Variants in MCF2L2 observed in about 807,000 individuals in gnomAD.
MCF2L2 encodes the protein MCF.2 cell line derived transforming sequence-like 2, also known as probable guanine nucleotide exchange factor MCF2L2.
In MCF2L2, 102 loss-of-function variants were observed where a neutral mutation model predicts 150.2. That is an observed-to-expected ratio of 0.68 (90% CI 0.58 to 0.80). The LOEUF is 0.80. Ranked by LOEUF, MCF2L2 falls within the 30% of genes least tolerant of loss-of-function variation. The probability of loss-of-function intolerance (pLI) is 0.00; values close to 1 mark genes in which losing one functional copy is unlikely to be tolerated. For missense variants in MCF2L2, 1,256 were observed against 1,372.8 expected (o/e 0.91, Z 1.34); for synonymous variants, 465 against 491.3 (o/e 0.95, Z 0.71).
intron 15 of MCF2L2, among the ~76,000 whole-genome samples, chr3:183,255,486 G>A (rs1374872963): frequency 2.0e-5 from 3 of 152,166 alleles, no homozygotes; most frequent in Admixed American, 6.5e-5. Flanking sequence ...CACACGCTCT[G>A]AGCATTGACT....
At chr3:183,221,985 G>A (rs1723166377) in intron 20 of MCF2L2, among the ~76,000 whole-genome samples, 1 of 152,222 alleles carries the variant, frequency 6.6e-6, no homozygotes, top group African/African-American at 2.4e-5. Flanking sequence ...CACCGAGGCT[G>A]AAACTGCTAA....
At chr3:183,392,942 T>C (rs1298513820) in intron 1 of MCF2L2, among the ~76,000 whole-genome samples, 1 of 152,188 alleles carries the variant, frequency 6.6e-6, no homozygotes. Context: ...CTGCTTCAGA[T>C]TCAGACAGGC....
At chr3:183,244,998 T>C (rs1424195128) in intron 15 of MCF2L2, among the ~76,000 whole-genome samples, 1 of 152,144 alleles carries the variant, frequency 6.6e-6, no homozygotes, top group Non-Finnish European at 1.5e-5. Context: ...ACCTCTAGGA[T>C]ACAGGGTAAG....
chr3:183,270,112 C>A lies in MCF2L2; in HGVS notation c.1862+6760G>T, dbSNP rs761216902. On this transcript the variant is annotated intron_variant, in intron 15 of 29. Transcript: ENST00000328913. This position sits in a 1 kb window ranked among gnomAD's most constrained non-coding sequence, Gnocchi z 4.5. Reference sequence around the variant, plus strand: ...GCTCCTGAAAACTATGATCGACGTTCCGGAATTAGAAGGACGTGGGGCAAT... The same window carrying A: ...GCTCCTGAAAACTATGATCGACGTTACGGAATTAGAAGGACGTGGGGCAAT... 2.5e-6 allele frequency: 4 copies of A among 1,614,118 alleles called. No individual in the cohort carries two copies. The South Asian group carries it at 3.3e-5, about 13-fold the overall frequency.
chr3:183,350,891 G>A (rs1225635511), intron 3 of MCF2L2, among the ~76,000 whole-genome samples: 13 of 149,562 alleles, frequency 8.7e-5, no homozygotes, highest in South Asian at 2.1e-4. Context: ...GCGACAGAGC[G>A]AGACTCCGTC....
At chr3:183,308,136 G>C (rs1021675049) in intron 10 of MCF2L2, among the ~76,000 whole-genome samples, 1 of 152,062 alleles carries the variant, frequency 6.6e-6, no homozygotes, top group East Asian at 1.9e-4. Flanking sequence ...TTAGTGAACT[G>C]TCTCTCTCCA....
intron 15 of MCF2L2, among the ~76,000 whole-genome samples, chr3:183,263,486 C>T (rs1332384062): frequency 6.6e-6 from 1 of 152,104 alleles, no homozygotes; most frequent in Admixed American, 6.5e-5. Flanking sequence ...ATTTGTTAAC[C>T]CCATCTTAAT....
chr3:183,408,434 C>T (rs1237490481), intron 1 of MCF2L2, among the ~76,000 whole-genome samples: 5 of 152,202 alleles, frequency 3.3e-5, no homozygotes, highest in African/African-American at 7.2e-5. Flanking sequence ...AGGAGCTGCG[C>T]AGGATGCTGC....
At chr3:183,188,386 T>C (rs925559779) in intron 27 of MCF2L2, among the ~76,000 whole-genome samples, 1 of 152,184 alleles carries the variant, frequency 6.6e-6, no homozygotes, top group Non-Finnish European at 1.5e-5. Context: ...ACTAGAGTCA[T>C]GATGGGCAAG....
chr3:183,278,760 T>C (rs1727308821), intron 14 of MCF2L2, among the ~76,000 whole-genome samples: 2 of 152,202 alleles, frequency 1.3e-5, no homozygotes, highest in Non-Finnish European at 2.9e-5. Flanking sequence ...TAGAGTCTTA[T>C]TTCATAATAA....
At chr3:183,268,789 C>A (rs910615764) in intron 15 of MCF2L2, among the ~76,000 whole-genome samples, 2 of 152,142 alleles carry the variant, frequency 1.3e-5, no homozygotes, top group African/African-American at 2.4e-5. Flanking sequence ...GTGGCTAAGG[C>A]GGCATTGGTG....
chr3:183,241,947 G>A (rs1724045392), intron 15 of MCF2L2, among the ~76,000 whole-genome samples: 1 of 152,176 alleles, frequency 6.6e-6, no homozygotes, highest in South Asian at 2.1e-4. Context: ...GTTGGGAATT[G>A]GAGCAAAGGA....
intron 5 of MCF2L2, among the ~76,000 whole-genome samples, chr3:183,330,245 GA>G (rs200391954): frequency 0.04 from 2,307 of 57,290 alleles, 48 homozygotes; most frequent in East Asian, 0.16. Context: ...ACCCTGTCTT[GA>G]AAAAAAAAAA....
intron 10 of MCF2L2, among the ~76,000 whole-genome samples, chr3:183,301,457 G>C (rs550533245): frequency 6.6e-6 from 1 of 152,196 alleles, no homozygotes; most frequent in Non-Finnish European, 1.5e-5. Context: ...CAGTCTCCCT[G>C]AGAAGGAGTA....
chr3:183,421,740 C>T (rs931367771), intron 1 of MCF2L2, among the ~76,000 whole-genome samples: 2 of 152,236 alleles, frequency 1.3e-5, no homozygotes, highest in African/African-American at 4.8e-5. Context: ...CAAAACTGGA[C>T]ATTTTAGGTA....
intron 13 of MCF2L2, among the ~76,000 whole-genome samples, chr3:183,289,767 A>T (rs975611965): frequency 2.0e-5 from 3 of 152,236 alleles, no homozygotes; most frequent in African/African-American, 7.2e-5. Context: ...GAGGCAGGAG[A>T]ATCACTTGAA....
At chr3:183,425,429 C>G (rs1716111777) in intron 1 of MCF2L2, among the ~76,000 whole-genome samples, 1 of 150,430 alleles carries the variant, frequency 6.6e-6, no homozygotes, top group Non-Finnish European at 1.5e-5. Context: ...GCTCCAAGCA[C>G]CTCTCAAACC....
intron 15 of MCF2L2, among the ~76,000 whole-genome samples, chr3:183,255,470 C>G (rs1724957949): frequency 6.6e-6 from 1 of 152,140 alleles, no homozygotes; most frequent in Admixed American, 6.5e-5. Context: ...CTTCCTTATC[C>G]TCCCGCACAC....
chr3:183,358,113 C>G (rs1452540916), intron 3 of MCF2L2, among the ~76,000 whole-genome samples: 2 of 151,956 alleles, frequency 1.3e-5, no homozygotes, highest in Non-Finnish European at 2.9e-5. Flanking sequence ...GATGGTGAAA[C>G]CCCTTCTCTA....
Sources: allele counts gnomAD v4.1 joint callset (sites outside exome capture counted in the v4.1 genomes callset), GRCh38; gene constraint gnomAD v4.1.1; non-coding constraint Gnocchi (gnomAD v3.1); transcripts MANE v1.5; gene names NCBI Gene and HGNC (gene_info 2026-07-23, HGNC 2026-07-21).